The following ARID1B variants were observed in gnomAD, a reference collection of about 807,000 sequenced individuals.
The protein encoded by ARID1B is AT-rich interaction domain 1B.
Under a neutral mutation model 212.3 loss-of-function variants are expected in ARID1B, and 30 were observed. The ratio of observed to expected loss-of-function variants is 0.14; its 90% CI spans 0.11 to 0.19. The LOEUF is 0.19. Among genes scored for constraint, ARID1B ranks in the 10% least tolerant of loss-of-function variants. ARID1B has a pLI of 1.00. For synonymous variants in ARID1B, 1,402 were observed against 1,301.7 expected (o/e 1.08, Z -1.66); for missense variants, 2,891 against 3,204.0 (o/e 0.90, Z 2.36).
intron 2 of ARID1B, among the ~76,000 whole-genome samples, chr6:156,838,149 A>G (rs1477198831): frequency 6.6e-6 from 1 of 152,106 alleles, no homozygotes; most frequent in Non-Finnish European, 1.5e-5. Context: ...TTTTTTTTAA[A>G]TAACTACCAA....
At chr6:156,970,790 A>T (rs2128344872) in intron 4 of ARID1B, among the ~76,000 whole-genome samples, 1 of 152,318 alleles carries the variant, frequency 6.6e-6, no homozygotes, top group South Asian at 2.1e-4. Flanking sequence ...TCTGAATGAC[A>T]GCAGCTGATG....
At chr6:157,075,505 AT>A (rs1320903229) in intron 4 of ARID1B, among the ~76,000 whole-genome samples, 1 of 152,244 alleles carries the variant, frequency 6.6e-6, no homozygotes, top group Non-Finnish European at 1.5e-5. Context: ...AATTTTTGAT[AT>A]TCTTTTACTA....
chr6:156,987,497 A>AT (rs1202359621), intron 4 of ARID1B, among the ~76,000 whole-genome samples: 4 of 151,998 alleles, frequency 2.6e-5, no homozygotes, highest in Non-Finnish European at 5.9e-5. Context: ...CACCCGGCTA[A>AT]TTTTTTATAT....
chr6:157,181,419 G>A (rs1472248976), intron 12 of ARID1B, among the ~76,000 whole-genome samples: 1 of 152,152 alleles, frequency 6.6e-6, no homozygotes, highest in Non-Finnish European at 1.5e-5. Flanking sequence ...GTTTCGTCAT[G>A]TATACAGCGG....
intron 2 of ARID1B, among the ~76,000 whole-genome samples, chr6:156,849,644 C>T (rs904646206): frequency 2.0e-5 from 3 of 152,120 alleles, no homozygotes; most frequent in Admixed American, 6.5e-5. Context: ...TTCATTTTCT[C>T]CTTCTTTTCT....
At chr6:156,880,786 A>G (rs2128167162) in intron 2 of ARID1B, among the ~76,000 whole-genome samples, 2 of 151,646 alleles carry the variant, frequency 1.3e-5, no homozygotes, top group Admixed American at 1.3e-4. Context: ...AAAAACACAC[A>G]TTGATGGCTT....
At chr6:156,950,657 G>T (rs973753656) in intron 4 of ARID1B, among the ~76,000 whole-genome samples, 2 of 152,100 alleles carry the variant, frequency 1.3e-5, no homozygotes, top group African/African-American at 4.8e-5. Flanking sequence ...TGCTCTTTCC[G>T]AGTCTTATTT....
chr6:156,927,478 C>T (rs1321058988), intron 3 of ARID1B, among the ~76,000 whole-genome samples: 2 of 152,154 alleles, frequency 1.3e-5, no homozygotes, highest in Admixed American at 6.6e-5. Context: ...TATTCCTGAT[C>T]TGTTTTTTGG....
In ARID1B at chr6:156,857,041, T is replaced by C. The variant is rs544169861; in HGVS notation, c.1986+27620T>C. Among the ~76,000 whole-genome samples the C allele has an allele frequency of 2.6e-5, 4 of 152,204 alleles. No homozygotes were observed. In the South Asian group the frequency reaches 8.3e-4, roughly 32 times the overall value. On this transcript the variant is annotated intron_variant, in intron 2 of 19. Transcript: ENST00000636930. ...GCTGGGATTCAGGAAAATTTACATG[T>C]TTGCTTGAACTGTTAACCACAACTA...
chr6:157,026,707 G>C (rs1049067139), intron 4 of ARID1B, among the ~76,000 whole-genome samples: 2 of 152,008 alleles, frequency 1.3e-5, no homozygotes, highest in South Asian at 2.1e-4. Context: ...GAGATGGGGG[G>C]GTCTCACTAT....
chr6:157,138,282 C>A (rs1178566445), intron 7 of ARID1B, among the ~76,000 whole-genome samples: 2 of 152,156 alleles, frequency 1.3e-5, no homozygotes, highest in East Asian at 3.9e-4. Context: ...GTCACCCAGG[C>A]TGGAGTGCAG....
At chr6:157,071,262 A>G (rs1783988540) in intron 4 of ARID1B, 1 of 152,216 alleles carries the variant, frequency 6.6e-6, no homozygotes, top group Admixed American at 6.6e-5. Context: ...ACACCTTGGA[A>G]GGTCCCATCA....
At chr6:157,049,224 C>A (rs1263254154) in intron 4 of ARID1B, among the ~76,000 whole-genome samples, 3 of 151,688 alleles carry the variant, frequency 2.0e-5, no homozygotes, top group Non-Finnish European at 4.4e-5. Context: ...GCTCACTGTG[C>A]CCAGCAAGGC....
At chr6:157,092,699 C>G (rs1785353411) in intron 5 of ARID1B, among the ~76,000 whole-genome samples, 1 of 152,050 alleles carries the variant, frequency 6.6e-6, no homozygotes, top group African/African-American at 2.4e-5. Context: ...GGTTTTGCTC[C>G]TCTCTTAATT....
Position 156,778,164 on chromosome 6 carries a change from C to G in ARID1B, c.484C>G (p.Pro162Ala). 1.9e-6 allele frequency: 3 copies of G among 1,542,248 alleles called. No individual in the cohort carries two copies. The highest frequency in any genetic ancestry group is 2.6e-6 in the Non-Finnish European group (3 of 1,146,688). ...AACCGTTGGCGAAGCCCCCGCCGCGCCGCCCCACCAGCAGCACCACCACCA... is the reference window on the plus strand; with the variant it reads ...AACCGTTGGCGAAGCCCCCGCCGCGGCGCCCCACCAGCAGCACCACCACCA... Reference protein sequence around the residue: ...LKTVGEAPAAPPHQQHHHHHH... With the variant: ...LKTVGEAPAAAPHQQHHHHHH... The change falls in exon 1 of 20, where the codon CCG (proline) becomes GCG (alanine). Residue 162 changes from proline (P) to alanine (A), a missense_variant. Physicochemically the swap from Pro to Ala is conservative, Grantham distance 27. This residue lies in a region of ARID1B where 1,643 missense variants were observed against 1,544.0 expected (regional missense o/e 1.06). Coordinates refer to ENST00000636930, the MANE Select transcript of ARID1B (RefSeq NM_001374828.1).
At chr6:157,050,637 C>G (rs1486395790) in intron 4 of ARID1B, among the ~76,000 whole-genome samples, 2 of 152,176 alleles carry the variant, frequency 1.3e-5, no homozygotes, top group African/African-American at 4.8e-5. Context: ...ATCATGTAGA[C>G]ACTTAGAGGG....
intron 4 of ARID1B, among the ~76,000 whole-genome samples, chr6:156,980,406 C>G (rs937365095): frequency 6.6e-6 from 1 of 152,096 alleles, no homozygotes; most frequent in African/African-American, 2.4e-5. Context: ...TTGCCTGAAC[C>G]TGGGAGGTGG....
intron 5 of ARID1B, among the ~76,000 whole-genome samples, chr6:157,088,428 C>T (rs1056819598): frequency 7.9e-5 from 12 of 152,186 alleles, no homozygotes; most frequent in African/African-American, 2.9e-4. Context: ...ACTCAAAGCT[C>T]ATGACAGGTT....
Position 156,901,058 on chromosome 6 carries a change from TCTC to T in ARID1B, c.1987-317_1987-315del, listed in dbSNP as rs1788887973. On this transcript the variant is annotated intron_variant, in intron 2 of 19. Coordinates refer to ENST00000636930, the MANE Select transcript of ARID1B (RefSeq NM_001374828.1). ...GTGGGAATGGATTTCATATCATGCT[TCTC>T]TTTCTTAGTAGAGGCTATTTTTTAG... 4.6e-5 allele frequency among the ~76,000 whole-genome samples: 7 copies of T among 152,290 alleles called. No homozygotes were observed. The South Asian group carries it at 1.5e-3, about 32-fold the overall frequency.
Sources: gnomAD v4.1 joint callset for allele counts (sites outside exome capture counted in the v4.1 genomes callset) on GRCh38, gnomAD v4.1.1 for gene constraint, gnomAD v4.1.1 regional missense constraint, MANE v1.5 for transcripts, NCBI Gene and HGNC (gene_info 2026-07-23, HGNC 2026-07-21) for gene names.